BICC1: variants seen among roughly 807,000 people sequenced by gnomAD.
BICC1 encodes the protein protein bicaudal C homolog 1.
In BICC1, 43 loss-of-function variants were observed where a neutral mutation model predicts 111.0. The ratio of observed to expected loss-of-function variants is 0.39; its 90% CI spans 0.30 to 0.50. The LOEUF is 0.50. Among genes scored for constraint, BICC1 ranks in the 20% least tolerant of loss-of-function variants. BICC1 has a pLI of 0.88. For missense variants in BICC1, 1,091 were observed against 1,203.2 expected (o/e 0.91, Z 1.38); for synonymous variants, 467 against 434.4 (o/e 1.07, Z -0.93).
chr10:58,732,475 T>A (rs1182872938), intron 3 of BICC1, among the ~76,000 whole-genome samples: 1 of 139,744 alleles, frequency 7.2e-6, no homozygotes, highest in East Asian at 2.1e-4. Flanking sequence ...ACATACATCA[T>A]TTGTCAGTTA....
In BICC1 at chr10:58,532,232, C is replaced by T. The variant is rs185067922; in HGVS notation, c.190+18899C>T. On this transcript the variant is annotated intron_variant, in intron 1 of 20. Transcript: ENST00000373886. ...AATATCACACATTTCTCAGTGGAAG[C>T]ATCGCAGGACAGAGTGGAATGAGAT... Among the ~76,000 whole-genome samples the T allele has an allele frequency of 5.3e-5, 8 of 151,494 alleles. No homozygotes were observed. In the South Asian group the frequency reaches 8.3e-4, roughly 16 times the overall value.
intron 2 of BICC1, among the ~76,000 whole-genome samples, chr10:58,689,835 G>A (rs539433538): frequency 5.8e-4 from 89 of 152,204 alleles, no homozygotes; most frequent in Admixed American, 4.3e-3. Context: ...ATTTGACTTT[G>A]CCGAAATTGG....
At chr10:58,658,726 A>G (rs1043138318) in intron 2 of BICC1, among the ~76,000 whole-genome samples, 10 of 152,178 alleles carry the variant, frequency 6.6e-5, no homozygotes, top group African/African-American at 2.4e-4. Flanking sequence ...AAATTTGGCC[A>G]GTAGGAGACC....
rs1392737512 is a variant in BICC1, at chr10:58,739,237, T to C, written c.307+37094T>C. Among the ~76,000 whole-genome samples, 4 of 152,330 alleles carry C rather than the reference T, an allele frequency of 2.6e-5. No individual in the cohort carries two copies. In the East Asian group the frequency reaches 7.7e-4, roughly 29 times the overall value. ...GTGGGTTTGTCATAGATAGCTCTTATTATTTTGAGATGCGTCCCATCAATA... is the reference window on the plus strand; with the variant it reads ...GTGGGTTTGTCATAGATAGCTCTTACTATTTTGAGATGCGTCCCATCAATA... On this transcript the variant is annotated intron_variant, in intron 3 of 20. Transcript: ENST00000373886.
At chr10:58,536,705 G>A (rs1842834394) in intron 1 of BICC1, among the ~76,000 whole-genome samples, 1 of 151,490 alleles carries the variant, frequency 6.6e-6, no homozygotes, top group African/African-American at 2.4e-5. Flanking sequence ...AAATAACAAA[G>A]ATCAGGGCAG....
chr10:58,707,013 C>T (rs1840405293), intron 3 of BICC1, among the ~76,000 whole-genome samples: 1 of 152,172 alleles, frequency 6.6e-6, no homozygotes, highest in Non-Finnish European at 1.5e-5. Flanking sequence ...GTGGTCCTTG[C>T]ATGATGACTT....
intron 3 of BICC1, among the ~76,000 whole-genome samples, chr10:58,784,572 G>A (rs2132784069): frequency 6.6e-6 from 1 of 152,258 alleles, no homozygotes; most frequent in African/African-American, 2.4e-5. Context: ...CTGTGCTTTA[G>A]TTTCCTCTGT....
intron 3 of BICC1, among the ~76,000 whole-genome samples, chr10:58,702,561 G>T: frequency 6.6e-6 from 1 of 151,182 alleles, no homozygotes; most frequent in Non-Finnish European, 1.5e-5. Context: ...TTCAGGTCTC[G>T]AGTGCTGCTT....
intron 3 of BICC1, among the ~76,000 whole-genome samples, chr10:58,704,998 C>CT (rs1392407041): frequency 2.0e-5 from 3 of 152,156 alleles, no homozygotes; most frequent in Non-Finnish European, 4.4e-5. Flanking sequence ...GCCATTAATC[C>CT]TTTATCGAGA....
At chr10:58,701,981 G>A in intron 2 of BICC1, 93 bp from the exon 3 acceptor site, 1 of 897,262 alleles carries the variant, frequency 1.1e-6, no homozygotes. Context: ...ATGAACTTAG[G>A]AACTTGAAAA....
At chr10:58,739,675 G>T (rs11006246) in intron 3 of BICC1, among the ~76,000 whole-genome samples, 1 of 151,904 alleles carries the variant, frequency 6.6e-6, no homozygotes, top group Non-Finnish European at 1.5e-5. Flanking sequence ...TGTTAGAACC[G>T]ATCTAACTTG....
chr10:58,707,893 C>T (rs1372759298), intron 3 of BICC1, among the ~76,000 whole-genome samples: 1 of 152,094 alleles, frequency 6.6e-6, no homozygotes, highest in African/African-American at 2.4e-5. Flanking sequence ...GACAGTGTTT[C>T]TCCATGTTGG....
chr10:58,815,726 C>T (rs1589167549), intron 18 of BICC1, among the ~76,000 whole-genome samples: 1 of 151,760 alleles, frequency 6.6e-6, no homozygotes, highest in African/African-American at 2.4e-5. Context: ...AGTAAAAGTA[C>T]GTTATAGGCT....
chr10:58,755,262 T>C (rs7094271), intron 3 of BICC1, among the ~76,000 whole-genome samples: 79,643 of 151,938 alleles, frequency 0.52, 21,081 homozygotes, highest in Admixed American at 0.63. Flanking sequence ...CAGGGCCCAC[T>C]GTTTAGTGTC....
intron 1 of BICC1, among the ~76,000 whole-genome samples, chr10:58,602,757 A>G (rs1304875362): frequency 6.6e-6 from 1 of 152,180 alleles, no homozygotes; most frequent in South Asian, 2.1e-4. Flanking sequence ...TCTAAATGAG[A>G]ATACTTTGAT....
chr10:58,790,643 TAGTGAAACCCCA>T (rs765533786), intron 8 of BICC1, among the ~76,000 whole-genome samples: 63 of 152,044 alleles, frequency 4.1e-4, no homozygotes, highest in Non-Finnish European at 7.5e-4. Flanking sequence ...CTGGCCAACA[TAGTGAAACCCCA>T]TTTCTACTAA....
intron 2 of BICC1, among the ~76,000 whole-genome samples, chr10:58,621,317 A>G (rs930602235): frequency 5.3e-5 from 8 of 152,204 alleles, no homozygotes; most frequent in African/African-American, 1.7e-4. Context: ...AAAATGTTCT[A>G]CTGGCCAAAT....
At chr10:58,782,069 G>A (rs551839721) in intron 3 of BICC1, among the ~76,000 whole-genome samples, 1 of 152,156 alleles carries the variant, frequency 6.6e-6, no homozygotes, top group South Asian at 2.1e-4. Context: ...TATATTTTTG[G>A]TCACTAGATG....
chr10:58,735,790 A>T (rs1480034818), intron 3 of BICC1, among the ~76,000 whole-genome samples: 2 of 152,230 alleles, frequency 1.3e-5, no homozygotes, highest in Non-Finnish European at 2.9e-5. Context: ...CTAAATTGTA[A>T]TCAGTTTCTC....
Sources: gnomAD v4.1 joint callset for allele counts (sites outside exome capture counted in the v4.1 genomes callset) on GRCh38, gnomAD v4.1.1 for gene constraint, MANE v1.5 for transcripts, NCBI Gene and HGNC (gene_info 2026-07-23, HGNC 2026-07-21) for gene names.